Variants in CD2 observed in about 807,000 individuals in gnomAD.
CD2 encodes the protein T-cell surface antigen CD2.
In CD2, 18 loss-of-function variants were observed where a neutral mutation model predicts 23.2. The ratio of observed to expected loss-of-function variants is 0.77; its 90% confidence interval spans 0.54 to 1.15. The LOEUF (loss-of-function observed/expected upper bound fraction) is 1.15, where lower values mean the gene tolerates loss of function less well. Among genes scored for constraint, CD2 ranks in the 50% most tolerant of loss-of-function variants. CD2 has a pLI of 0.00. For missense variants in CD2, 424 were observed against 423.1 expected (o/e 1.00, Z -0.02); for synonymous variants, 162 against 151.9 (o/e 1.07, Z -0.49).
chr1:116,759,866 C>A (rs1651983489), intron 2 of CD2, among the ~76,000 whole-genome samples: 1 of 152,198 alleles, frequency 6.6e-6, no homozygotes, highest in Admixed American at 6.5e-5. Context: ...GCTCCAGGAA[C>A]TTGGTGGGGG....
chr1:116,768,668 C>T lies in CD2; in HGVS notation c.941C>T (p.Ala314Val), dbSNP rs1652295955. ...VQHQPQKRPPAPSGTQVHQQK... is the reference protein window; with the variant it reads ...VQHQPQKRPPVPSGTQVHQQK... ...CACCAGCCTCAGAAGAGGCCTCCTG[C>T]TCCGTCGGGCACACAAGTTCACCAG... Residue 314 changes from alanine (A) to valine (V), a missense_variant, in exon 5 of 5, where the codon GCT (alanine) becomes GTT (valine). Physicochemically the swap from Ala to Val is moderately conservative, Grantham distance 64 (BLOSUM62 0). Transcript: ENST00000369478. 1.2e-6 allele frequency: 2 copies of T among 1,614,054 alleles called. No individual in the cohort carries two copies. Among genetic ancestry groups the T allele is most frequent in the Non-Finnish European group, 8.5e-7 (1 of 1,180,054 alleles).
Position 116,768,831 on chromosome 1 carries a change from C to T in CD2, c.*48C>T, listed in dbSNP as rs1652305778. The T allele has an allele frequency of 2.0e-6, 3 of 1,537,128 alleles. No individual in the cohort carries two copies. The highest frequency in any genetic ancestry group is 1.8e-4 in the Middle Eastern group (1 of 5,448). ...CAATAAAAAGCACTGTGGATTTCTG[C>T]CCTCCTGATGTGCATATCCGTACTT... is the stretch of plus-strand genomic sequence containing the variant. On this transcript the variant is annotated 3_prime_UTR_variant, in exon 5 of 5. Coordinates refer to ENST00000369478, the MANE Select transcript of CD2 (RefSeq NM_001767.5).
intron 3 of CD2, among the ~76,000 whole-genome samples, chr1:116,762,986 T>C (rs930308453): frequency 1.3e-5 from 2 of 152,196 alleles, no homozygotes; most frequent in Admixed American, 1.3e-4. Flanking sequence ...CCCCAAAGCA[T>C]TTCAGGCCTG....
At chr1:116,766,651 T>G (rs1287423407) in intron 4 of CD2, among the ~76,000 whole-genome samples, 2 of 151,120 alleles carry the variant, frequency 1.3e-5, no homozygotes, top group Admixed American at 1.3e-4. Context: ...AGCTCAGGAG[T>G]TTGGGACCAG....
At chr1:116,761,585 A>T (rs1309578630) in intron 3 of CD2, among the ~76,000 whole-genome samples, 25 of 152,344 alleles carry the variant, frequency 1.6e-4, no homozygotes, top group Non-Finnish European at 1.5e-5. Context: ...ACTTAATCTC[A>T]GGAGTAATAT....
At chr1:116,763,190 T>A (rs1246830852) in intron 3 of CD2, among the ~76,000 whole-genome samples, 1 of 152,204 alleles carries the variant, frequency 6.6e-6, no homozygotes, top group Admixed American at 6.5e-5. Flanking sequence ...TAGAGAGTTG[T>A]GTAACTGGCA....
chr1:116,756,772 C>T (rs1158655751), intron 2 of CD2, among the ~76,000 whole-genome samples: 1 of 152,130 alleles, frequency 6.6e-6, no homozygotes, highest in African/African-American at 2.4e-5. Flanking sequence ...TGTCATACAA[C>T]ATCTTGATTC....
intron 3 of CD2, 118 bp from the exon 4 acceptor site, chr1:116,764,366 G>T: frequency 6.9e-7 from 1 of 1,459,246 alleles, no homozygotes. Context: ...GAGTTATGGG[G>T]TGAAAGGTCC....
chr1:116,755,530 ATCTC>A (rs1295866318), intron 2 of CD2, among the ~76,000 whole-genome samples: 4 of 152,216 alleles, frequency 2.6e-5, no homozygotes, highest in Non-Finnish European at 4.4e-5. Context: ...GGCTTTGTAT[ATCTC>A]TGCCTGTACT....
intron 4 of CD2, chr1:116,764,833 G>C (rs988670694): frequency 1.8e-6 from 1 of 552,198 alleles, no homozygotes; most frequent in East Asian, 3.1e-5. Context: ...ACTGAATCCA[G>C]TTGGCCTCAT....
chr1:116,760,445 A>T lies in CD2; in HGVS notation c.426A>T (p.Thr142=). ...AGATCTCCTGGACTTGTATCAACAC[A>T]ACCCTGACCTGTGAGGTAATGAATG... is the stretch of plus-strand genomic sequence containing the variant. ...KPKISWTCIN[T]TLTCEVMNGT... Residue 142 remains threonine (T), a synonymous_variant, in exon 3 of 5, where the codon ACA becomes ACT. Coordinates refer to ENST00000369478, the MANE Select transcript of CD2 (RefSeq NM_001767.5). The T allele has an allele frequency of 3.7e-6, 6 of 1,614,210 alleles. No individual in the cohort carries two copies. The highest frequency in any genetic ancestry group is 5.1e-6 in the Non-Finnish European group (6 of 1,180,034).
At chr1:116,761,060 GA>G (rs1652034903) in intron 3 of CD2, among the ~76,000 whole-genome samples, 1 of 152,148 alleles carries the variant, frequency 6.6e-6, no homozygotes, top group Non-Finnish European at 1.5e-5. Context: ...AGTAAAGGTA[GA>G]AAGGCTGCAG....
At chr1:116,755,045 C>T in intron 2 of CD2, 94 bp downstream of exon 2, 1 of 846,658 alleles carries the variant, frequency 1.2e-6, no homozygotes. Context: ...GCGCTGACCT[C>T]TGCCTCCAGG....
At chr1:116,757,657 G>A (rs986932108) in intron 2 of CD2, among the ~76,000 whole-genome samples, 1 of 151,764 alleles carries the variant, frequency 6.6e-6, no homozygotes, top group East Asian at 1.9e-4. Context: ...ATTAAGAAAA[G>A]AACTTCATAA....
Position 116,769,149 on chromosome 1 carries a change from G to T in CD2, c.*366G>T. Reference sequence around the variant, plus strand: ...CTACAAGCAGCCTATCTGCTTAAGAGACTCTGGAGTTTCTTATGTGCCCTG... The same window carrying T: ...CTACAAGCAGCCTATCTGCTTAAGATACTCTGGAGTTTCTTATGTGCCCTG... On this transcript the variant is annotated 3_prime_UTR_variant, in exon 5 of 5. Transcript: ENST00000369478. The T allele has an allele frequency of 5.4e-6, 1 of 184,830 alleles. No homozygotes were observed. Among genetic ancestry groups the T allele is most frequent in the Admixed American group, 5.6e-5 (1 of 17,776 alleles). 11.4% of individuals were successfully genotyped at this position (184,830 alleles called of 1,614,324 possible). A position where few individuals can be genotyped will look rare whatever the true frequency, so the allele number is the denominator to read the frequency against.
At chr1:116,767,404 C>A (rs995061115) in intron 4 of CD2, among the ~76,000 whole-genome samples, 27 of 151,954 alleles carry the variant, frequency 1.8e-4, no homozygotes, top group Non-Finnish European at 3.5e-4. Flanking sequence ...CCAGCCTGAC[C>A]AACATGGAGA....
intron 2 of CD2, 107 bp from the exon 3 acceptor site, chr1:116,760,295 A>G (rs1022535752): frequency 1.3e-6 from 1 of 778,096 alleles, no homozygotes; most frequent in Non-Finnish European, 2.1e-6. Context: ...GGTCTTTGAC[A>G]TTGTTCCCTT....
intron 4 of CD2, among the ~76,000 whole-genome samples, chr1:116,764,945 C>T (rs1178840055): frequency 1.3e-5 from 2 of 152,132 alleles, no homozygotes; most frequent in South Asian, 2.1e-4. Context: ...TCCAAAACAC[C>T]GTTTCTAGGA....
rs2236322 is a variant in CD2 at position 116,768,903 on chromosome 1, G to A, written c.*120G>A. 2.6e-5 allele frequency: 26 copies of A among 1,001,116 alleles called. No individual in the cohort carries two copies. In the East Asian group the frequency reaches 6.2e-4, roughly 24 times the overall value. 62.0% of individuals were successfully genotyped at this position (1,001,116 alleles called of 1,614,324 possible). ...CAGAACATTGTCACCTCCTGAGGCT[G>A]TGGGCCACAGCCACCTCTGCATCTT... On this transcript the variant is annotated 3_prime_UTR_variant, in exon 5 of 5. Transcript: ENST00000369478.
Sources: gnomAD v4.1 joint callset for allele counts (sites outside exome capture counted in the v4.1 genomes callset) on GRCh38, gnomAD v4.1.1 for gene constraint, MANE v1.5 for transcripts, NCBI Gene and HGNC (gene_info 2026-07-23, HGNC 2026-07-21) for gene names.